The following ANKS1B variants were observed in gnomAD, a reference collection of about 807,000 sequenced individuals.
ANKS1B encodes ankyrin repeat and sterile alpha motif domain-containing protein 1B.
A neutral mutation model predicts 148.3 loss-of-function variants in ANKS1B; 36 were observed. That is an observed-to-expected ratio of 0.24 (90% CI 0.19 to 0.32). The LOEUF is 0.32. Ranked by LOEUF, ANKS1B falls within the 10% of genes least tolerant of loss-of-function variation. ANKS1B has a pLI of 1.00. For missense variants in ANKS1B, 1,157 were observed against 1,542.6 expected (o/e 0.75, Z 4.19); for synonymous variants, 542 against 560.8 (o/e 0.97, Z 0.47).
chr12:99,545,698 A>G (rs189243642), intron 9 of ANKS1B, among the ~76,000 whole-genome samples: 1 of 151,418 alleles, frequency 6.6e-6, no homozygotes. Flanking sequence ...TATCATCATA[A>G]GATCAACAAA....
At chr12:99,173,016 T>G (rs564963857) in intron 14 of ANKS1B, among the ~76,000 whole-genome samples, 1 of 152,126 alleles carries the variant, frequency 6.6e-6, no homozygotes, top group Non-Finnish European at 1.5e-5. Context: ...TCTGAATAAG[T>G]TAGGTACTAT....
chr12:99,968,513 G>A (rs149554727), intron 1 of ANKS1B, among the ~76,000 whole-genome samples: 1,897 of 152,194 alleles, frequency 0.012, 20 homozygotes, highest in Non-Finnish European at 0.017. Context: ...AGCCAAGATC[G>A]TGCCACTGCA....
At position 99,861,694 on chromosome 12, in the gene ANKS1B, G is replaced by A. The variant is rs75006511; in HGVS notation, c.135-36305C>T. Among the ~76,000 whole-genome samples the A allele has an allele frequency of 9.8e-3, 1,496 of 152,160 alleles. 28 individuals are homozygous for A. The highest frequency in any genetic ancestry group is 0.034 in the African/African-American group (1,429 of 41,506). On this transcript the variant is annotated intron_variant, in intron 1 of 26. Coordinates refer to ENST00000683438, the MANE Select transcript of ANKS1B (RefSeq NM_001352186.2). The stretch of plus-strand genomic sequence containing the variant: ...CTGTTGATAGTGTTATGCAGATTTT[G>A]TAAACAATTAAATCTGTTCGCATGC...
chr12:99,611,211 A>G (rs1348268438), intron 9 of ANKS1B, among the ~76,000 whole-genome samples: 1 of 152,092 alleles, frequency 6.6e-6, no homozygotes, highest in Non-Finnish European at 1.5e-5. Context: ...CTGGTATAAA[A>G]CCCTTATTTT....
intron 14 of ANKS1B, among the ~76,000 whole-genome samples, chr12:99,205,065 C>A (rs116940692): frequency 1.1e-4 from 16 of 152,042 alleles, no homozygotes; most frequent in Admixed American, 2.0e-4. Context: ...CAGGCCCCCC[C>A]CAAAAAGAAA....
chr12:99,651,883 A>C (rs2098421837), intron 9 of ANKS1B, among the ~76,000 whole-genome samples: 1 of 151,888 alleles, frequency 6.6e-6, no homozygotes, highest in African/African-American at 2.4e-5. Flanking sequence ...ATGAATTAAA[A>C]AATGTTGCAA....
chr12:99,031,324 G>A (rs996897277), intron 17 of ANKS1B, among the ~76,000 whole-genome samples: 1 of 152,210 alleles, frequency 6.6e-6, no homozygotes, highest in African/African-American at 2.4e-5. Flanking sequence ...TTGATAAATA[G>A]TATTAAAGAC....
intron 8 of ANKS1B, among the ~76,000 whole-genome samples, chr12:99,746,512 C>G (rs896585165): frequency 6.6e-6 from 1 of 152,136 alleles, no homozygotes; most frequent in African/African-American, 2.4e-5. Flanking sequence ...TTACATTACC[C>G]TGAATTTTTT....
At chr12:99,206,686 G>A (rs940189246) in intron 14 of ANKS1B, among the ~76,000 whole-genome samples, 5 of 152,082 alleles carry the variant, frequency 3.3e-5, no homozygotes, top group African/African-American at 1.2e-4. Flanking sequence ...TATCCATACC[G>A]AGTCCAGGCA....
chr12:99,333,597 C>T (rs1384082771), intron 12 of ANKS1B, among the ~76,000 whole-genome samples: 2 of 152,072 alleles, frequency 1.3e-5, no homozygotes, highest in Non-Finnish European at 2.9e-5. Context: ...GTGGAAGCCG[C>T]TGCATGCCTC....
intron 1 of ANKS1B, among the ~76,000 whole-genome samples, chr12:99,837,119 C>T (rs769602005): frequency 1.1e-4 from 17 of 152,106 alleles, no homozygotes; most frequent in African/African-American, 1.9e-4. Flanking sequence ...ATCAAAAAGA[C>T]GGCACAGTCA....
chr12:99,936,490 T>C (rs2094774501), intron 1 of ANKS1B, among the ~76,000 whole-genome samples: 1 of 152,102 alleles, frequency 6.6e-6, no homozygotes. Context: ...CTTAAAAAAA[T>C]GGATAATTAC....
intron 17 of ANKS1B, among the ~76,000 whole-genome samples, chr12:99,051,880 C>T (rs113081317): frequency 3.9e-5 from 6 of 152,194 alleles, no homozygotes; most frequent in African/African-American, 1.4e-4. Flanking sequence ...TAATAATAAC[C>T]ATCATTTAAA....
chr12:99,392,123 A>G (rs576706458), intron 12 of ANKS1B, among the ~76,000 whole-genome samples: 1 of 152,330 alleles, frequency 6.6e-6, no homozygotes, highest in South Asian at 2.1e-4. Context: ...CTTAGCTTGG[A>G]GTTGAGAGGT....
chr12:98,871,882 G>A (rs932389890), intron 17 of ANKS1B, among the ~76,000 whole-genome samples: 1 of 152,124 alleles, frequency 6.6e-6, no homozygotes, highest in Non-Finnish European at 1.5e-5. Flanking sequence ...GAAAAAGCTT[G>A]TACACTGTCA....
intron 12 of ANKS1B, among the ~76,000 whole-genome samples, chr12:99,253,243 G>A (rs1452883044): frequency 2.6e-5 from 4 of 151,570 alleles, no homozygotes; most frequent in African/African-American, 9.7e-5. Flanking sequence ...AAAAAAGGCA[G>A]TGGGGGTGGC....
At chr12:99,261,621 C>T (rs943972599) in intron 12 of ANKS1B, among the ~76,000 whole-genome samples, 4 of 152,160 alleles carry the variant, frequency 2.6e-5, no homozygotes, top group African/African-American at 9.7e-5. Context: ...GCCAATCACA[C>T]AGCGAATCCT....
intron 22 of ANKS1B, among the ~76,000 whole-genome samples, chr12:98,790,469 T>G (rs1171052512): frequency 6.6e-6 from 1 of 152,156 alleles, no homozygotes; most frequent in African/African-American, 2.4e-5. Flanking sequence ...CAACAGATTT[T>G]AGCTATTACT....
chr12:99,254,600 G>A (rs2075039372), intron 12 of ANKS1B, among the ~76,000 whole-genome samples: 1 of 152,176 alleles, frequency 6.6e-6, no homozygotes, highest in Non-Finnish European at 1.5e-5. Context: ...GCAGAAGAGA[G>A]AGTAAAGAAC....
Sources: gnomAD v4.1 joint callset for allele counts (sites outside exome capture counted in the v4.1 genomes callset) on GRCh38, gnomAD v4.1.1 for gene constraint, MANE v1.5 for transcripts, NCBI Gene and HGNC (gene_info 2026-07-23, HGNC 2026-07-21) for gene names.